Variants in DENND1A observed in about 807,000 individuals in gnomAD.
DENND1A encodes DENN domain-containing protein 1A.
In DENND1A, 51 loss-of-function variants were observed where a neutral mutation model predicts 113.7. That is an observed-to-expected ratio of 0.45 (90% CI 0.36 to 0.57). The LOEUF is 0.57. Among genes scored for constraint, DENND1A ranks in the 20% least tolerant of loss-of-function variants. DENND1A has a pLI of 0.00. For missense variants in DENND1A, 1,258 were observed against 1,395.9 expected, an observed-to-expected ratio of 0.90 and a Z score of 1.57; for synonymous variants, 565 against 570.8, an observed-to-expected ratio of 0.99 and a Z score of 0.14.
At chr9:123,508,479 C>T (rs917683974) in intron 13 of DENND1A, among the ~76,000 whole-genome samples, 2 of 152,234 alleles carry the variant, frequency 1.3e-5, no homozygotes, top group African/African-American at 4.8e-5. Flanking sequence ...TGCAACTTCA[C>T]AGCAGGTATT....
At chr9:123,887,431 G>C (rs2133707101) in intron 1 of DENND1A, among the ~76,000 whole-genome samples, 1 of 152,280 alleles carries the variant, frequency 6.6e-6, no homozygotes, top group East Asian at 1.9e-4. Context: ...TGGGAAGTCA[G>C]AACCTGAGTG....
At position 123,620,232 on chromosome 9, in the gene DENND1A, A is replaced by AG. The variant is rs1554916730; in HGVS notation, c.719+10143_719+10144insC. ...CCATCTCAAAAAAAAAAAAAAAAAA[A>AG]AAAAAAGAAAAGAAAAAGAAAAAAA... is the stretch of plus-strand genomic sequence containing the variant. On this transcript the variant is annotated intron_variant, in intron 10 of 23. Coordinates refer to ENST00000394215, the MANE Select transcript of DENND1A (RefSeq NM_001352964.2). Among the ~76,000 whole-genome samples the AG allele has an allele frequency of 9.5e-4, 109 of 114,418 alleles. 1 individual carries two copies. Among genetic ancestry groups the AG allele is most frequent in the African/African-American group, 3.7e-3 (100 of 26,856 alleles). The allele number at this position is 114,418 out of a possible 152,430, so 75.1% of individuals were successfully genotyped here.
chr9:123,674,151 C>A (rs1359380459), intron 6 of DENND1A, among the ~76,000 whole-genome samples: 1 of 152,078 alleles, frequency 6.6e-6, no homozygotes, highest in African/African-American at 2.4e-5. Flanking sequence ...GCTCCGACAC[C>A]CTGAGGCAGG....
chr9:123,637,941 A>G (rs1239045453), intron 9 of DENND1A, among the ~76,000 whole-genome samples: 1 of 44,094 alleles, frequency 2.3e-5, no homozygotes, highest in African/African-American at 8.1e-5. Flanking sequence ...ACGCACACAC[A>G]CACACACACG....
intron 2 of DENND1A, among the ~76,000 whole-genome samples, chr9:123,872,927 TA>T (rs1846875183): frequency 6.6e-6 from 1 of 152,172 alleles, no homozygotes. Context: ...TTAATCCCTC[TA>T]GGGGGATGCA....
intron 12 of DENND1A, among the ~76,000 whole-genome samples, chr9:123,582,166 T>C (rs2058931135): frequency 6.6e-6 from 1 of 152,004 alleles, no homozygotes; most frequent in Non-Finnish European, 1.5e-5. Context: ...AGGAAAAAAA[T>C]GTAGGTTTGA....
At chr9:123,594,183 G>A (rs534043447) in intron 11 of DENND1A, among the ~76,000 whole-genome samples, 1 of 151,320 alleles carries the variant, frequency 6.6e-6, no homozygotes, top group Non-Finnish European at 1.5e-5. Context: ...CTATGGCTAC[G>A]TATCAGTCCA....
chr9:123,427,245 G>A (rs1008642933), intron 19 of DENND1A, among the ~76,000 whole-genome samples: 1 of 152,258 alleles, frequency 6.6e-6, no homozygotes, highest in African/African-American at 2.4e-5. Context: ...CTCACCACGA[G>A]AATGTTAGAC....
At chr9:123,638,273 A>G (rs1006841991) in intron 9 of DENND1A, among the ~76,000 whole-genome samples, 19 of 152,220 alleles carry the variant, frequency 1.2e-4, no homozygotes, top group Admixed American at 2.6e-4. Context: ...ATAAGCCCAC[A>G]GCACCATGAG....
chr9:123,395,274 G>A (rs1398366542), intron 21 of DENND1A, among the ~76,000 whole-genome samples: 1 of 152,094 alleles, frequency 6.6e-6, no homozygotes, highest in Non-Finnish European at 1.5e-5. Flanking sequence ...CCTTCCCTCT[G>A]ATTTGCCAGG....
At chr9:123,472,449 T>A (rs1391033913) in intron 13 of DENND1A, among the ~76,000 whole-genome samples, 1 of 152,146 alleles carries the variant, frequency 6.6e-6, no homozygotes, top group Admixed American at 6.5e-5. Flanking sequence ...CTCTTCCTCA[T>A]TTGGGGGCAT....
chr9:123,514,165 T>C (rs1158270643), intron 13 of DENND1A, among the ~76,000 whole-genome samples: 1 of 151,408 alleles, frequency 6.6e-6, no homozygotes, highest in Non-Finnish European at 1.5e-5. Flanking sequence ...GGTGGGTGAC[T>C]AAGGTATCTG....
intron 12 of DENND1A, among the ~76,000 whole-genome samples, chr9:123,573,744 A>G (rs2058480379): frequency 6.6e-6 from 1 of 152,110 alleles, no homozygotes; most frequent in African/African-American, 2.4e-5. Flanking sequence ...CTTTCTAATC[A>G]TTAAGGCTTT....
chr9:123,439,344 A>G (rs1276634778), intron 19 of DENND1A, among the ~76,000 whole-genome samples: 1 of 152,266 alleles, frequency 6.6e-6, no homozygotes, highest in Non-Finnish European at 1.5e-5. Flanking sequence ...ATTAGAGAAG[A>G]GTGACTTTTA....
Position 123,601,501 on chromosome 9 carries a change from T to A in DENND1A, c.765+7935A>T, listed in dbSNP as rs12685548. ...CCTGCTGCGTTTGCAGTAGGAAGCTTCTGGATGGTACGAGACTCATAAGTG... is the reference window on the plus strand; with the variant it reads ...CCTGCTGCGTTTGCAGTAGGAAGCTACTGGATGGTACGAGACTCATAAGTG... On this transcript the variant is annotated intron_variant, in intron 11 of 23. Coordinates refer to ENST00000394215, the MANE Select transcript of DENND1A (RefSeq NM_001352964.2). Among the ~76,000 whole-genome samples the A allele has an allele frequency of 5.9e-5, 9 of 152,312 alleles. No homozygotes were observed. The East Asian group carries it at 1.2e-3, about 20-fold the overall frequency.
intron 12 of DENND1A, among the ~76,000 whole-genome samples, chr9:123,558,707 C>T (rs2057567040): frequency 1.3e-5 from 2 of 152,162 alleles, no homozygotes; most frequent in South Asian, 4.1e-4. Context: ...GGCTGTTGCC[C>T]TCAACATCAA....
At chr9:123,927,205 G>A (rs955394857) in intron 1 of DENND1A, among the ~76,000 whole-genome samples, 4 of 152,168 alleles carry the variant, frequency 2.6e-5, no homozygotes, top group African/African-American at 4.8e-5. Context: ...GATCAAACAC[G>A]AAATCTCAAC....
intron 5 of DENND1A, among the ~76,000 whole-genome samples, chr9:123,744,134 T>A (rs2069263570): frequency 6.6e-6 from 1 of 152,252 alleles, no homozygotes; most frequent in Non-Finnish European, 1.5e-5. Context: ...ACAGCCAGGA[T>A]AACTACTTCA....
chr9:123,705,055 C>A (rs1201711476), intron 5 of DENND1A, among the ~76,000 whole-genome samples: 3 of 138,260 alleles, frequency 2.2e-5, no homozygotes, highest in Admixed American at 6.9e-5. Flanking sequence ...TGAAATCCCA[C>A]GCAAGATGAA....
Sources: gnomAD v4.1 joint callset for allele counts (sites outside exome capture counted in the v4.1 genomes callset) on GRCh38, gnomAD v4.1.1 for gene constraint, MANE v1.5 for transcripts, NCBI Gene and HGNC (gene_info 2026-07-23, HGNC 2026-07-21) for gene names.